PPP2R3A: variants seen among roughly 807,000 people sequenced by gnomAD.
PPP2R3A encodes the protein protein phosphatase 2 regulatory subunit B''alpha, also known as serine/threonine-protein phosphatase 2A regulatory subunit B'' subunit alpha.
In PPP2R3A, 80 loss-of-function variants were observed where a neutral mutation model predicts 106.9. The observed-to-expected ratio is 0.75, with a 90% confidence interval of 0.62 to 0.90. The LOEUF (loss-of-function observed/expected upper bound fraction) is 0.90, where lower values mean the gene tolerates loss of function less well. PPP2R3A is among the 40% of genes least tolerant of loss of function. PPP2R3A has a pLI of 0.00. For missense variants in PPP2R3A, 1,386 were observed against 1,350.4 expected (o/e 1.03, Z -0.41); for synonymous variants, 483 against 468.3 (o/e 1.03, Z -0.41).
chr3:136,078,458 G>A lies in PPP2R3A; in HGVS notation c.2631+5G>A. On this transcript the variant is annotated splice_donor_5th_base_variant and intron_variant, in intron 7 of 13. Coordinates refer to ENST00000264977, the MANE Select transcript of PPP2R3A (RefSeq NM_002718.5). ...AGAAAAAGCAACTTTTTGCAAGTAT[G>A]CCTTTCATTAGAATTCATGTGTAAT... 4 of 1,553,928 alleles carry A rather than the reference G, an allele frequency of 2.6e-6. No individual in the cohort carries two copies. Among genetic ancestry groups the A allele is most frequent in the Non-Finnish European group, 3.5e-6 (4 of 1,129,908 alleles).
intron 13 of PPP2R3A, among the ~76,000 whole-genome samples, chr3:136,117,103 A>G (rs954317604): frequency 6.6e-6 from 1 of 152,206 alleles, no homozygotes; most frequent in Non-Finnish European, 1.5e-5. Flanking sequence ...CCTCACAACT[A>G]CATGGAAACT....
chr3:136,003,260 C>A lies in PPP2R3A; in HGVS notation c.1762C>A (p.Arg588=). 1.2e-6 allele frequency: 2 copies of A among 1,613,604 alleles called. No individual in the cohort carries two copies. Among genetic ancestry groups the A allele is most frequent in the East Asian group, 2.2e-5 (1 of 44,862 alleles). ...TNGHKIEEED[R]ALLLRILESI... ...TGGACACAAAATAGAGGAAGAGGAT[C>A]GAGCCCTCTTACTGCGAATCCTGGA... Residue 588 remains arginine (R), a synonymous_variant, in exon 2 of 14, where the codon CGA becomes AGA. Transcript: ENST00000264977.
At chr3:136,042,288 A>G (rs574372567) in intron 4 of PPP2R3A, among the ~76,000 whole-genome samples, 1 of 152,294 alleles carries the variant, frequency 6.6e-6, no homozygotes, top group African/African-American at 2.4e-5. Context: ...AGAACTGAAC[A>G]ATGAGAACAC....
chr3:136,090,445 C>T (rs1559914555), intron 9 of PPP2R3A, 133 bp from the exon 10 acceptor site: 3 of 627,646 alleles, frequency 4.8e-6, no homozygotes, highest in Non-Finnish European at 5.5e-6. Flanking sequence ...GGAAGGGTTG[C>T]CCTTTATGAG....
intron 13 of PPP2R3A, among the ~76,000 whole-genome samples, chr3:136,140,514 C>T (rs1232195571): frequency 1.3e-5 from 2 of 150,764 alleles, no homozygotes; most frequent in African/African-American, 4.9e-5. Flanking sequence ...TTTGGGAGAC[C>T]GAGGCGGGCG....
intron 2 of PPP2R3A, among the ~76,000 whole-genome samples, chr3:136,017,688 G>C (rs915263105): frequency 2.0e-5 from 3 of 152,084 alleles, no homozygotes; most frequent in Non-Finnish European, 2.9e-5. Context: ...AAAATCCTTT[G>C]GTGTCACTTC....
intron 5 of PPP2R3A, among the ~76,000 whole-genome samples, chr3:136,064,874 T>G (rs1936210451): frequency 6.6e-6 from 1 of 152,148 alleles, no homozygotes; most frequent in African/African-American, 2.4e-5. Context: ...ATAATCAAAA[T>G]ATCACAAAAA....
chr3:136,015,897 G>A (rs1006145279), intron 2 of PPP2R3A, among the ~76,000 whole-genome samples: 6 of 151,636 alleles, frequency 4.0e-5, no homozygotes, highest in Non-Finnish European at 5.9e-5. Context: ...AGTTCCTTGC[G>A]GTATGACCTT....
chr3:136,028,018 A>G (rs1249703271), intron 3 of PPP2R3A, among the ~76,000 whole-genome samples: 1 of 152,196 alleles, frequency 6.6e-6, no homozygotes, highest in Non-Finnish European at 1.5e-5. Context: ...CTGGCATTCC[A>G]TGGCTTCCAC....
At chr3:136,062,461 C>T (rs748092833) in intron 5 of PPP2R3A, among the ~76,000 whole-genome samples, 6 of 152,068 alleles carry the variant, frequency 3.9e-5, no homozygotes, top group South Asian at 2.1e-4. Flanking sequence ...CAGTGGCTCA[C>T]GCCTGTAATC....
chr3:136,097,846 A>G (rs1937251544), intron 10 of PPP2R3A, among the ~76,000 whole-genome samples: 1 of 152,236 alleles, frequency 6.6e-6, no homozygotes, highest in African/African-American at 2.4e-5. Flanking sequence ...CAGTGTAACA[A>G]CCAGATATTA....
chr3:136,057,211 T>C (rs1935899266), intron 5 of PPP2R3A, among the ~76,000 whole-genome samples: 1 of 152,138 alleles, frequency 6.6e-6, no homozygotes. Context: ...GAAATAAGTA[T>C]ATCTGCACTC....
At chr3:135,981,962 G>A (rs72981415) in intron 1 of PPP2R3A, among the ~76,000 whole-genome samples, 1,693 of 151,820 alleles carry the variant, frequency 0.011, 63 homozygotes, top group African/African-American at 0.038. Context: ...TATTACTCTG[G>A]TAGTGCTGCT....
chr3:135,979,366 C>G (rs1009222296), intron 1 of PPP2R3A, among the ~76,000 whole-genome samples: 4 of 149,334 alleles, frequency 2.7e-5, no homozygotes, highest in South Asian at 4.2e-4. Flanking sequence ...GAAGGAGACT[C>G]CATCTCAAAA....
At position 136,002,407 on chromosome 3, in the gene PPP2R3A, G is replaced by T; in HGVS notation, c.909G>T (p.Glu303Asp). Residue 303 changes from glutamate to aspartate, a missense_variant, in exon 2 of 14, where the codon GAG becomes GAT. Transcript: ENST00000264977. ...PFEFMQSGNN[E>D]ALDLTELISN... ...AATTCATGCAGTCTGGGAATAATGA[G>T]GCTCTAGATTTAACAGAACTGATCA... 6.2e-7 allele frequency: 1 copy of T among 1,613,964 alleles called. No individual in the cohort carries two copies. The highest frequency in any genetic ancestry group is 8.5e-7 in the Non-Finnish European group (1 of 1,179,924).
At chr3:136,090,352 A>G (rs1042134779) in intron 9 of PPP2R3A, among the ~76,000 whole-genome samples, 1 of 152,216 alleles carries the variant, frequency 6.6e-6, no homozygotes, top group Admixed American at 6.5e-5. Flanking sequence ...TTGCATTCAT[A>G]TTAAAAGCCA....
At chr3:136,076,683 T>C (rs1218670765) in intron 6 of PPP2R3A, among the ~76,000 whole-genome samples, 1 of 152,192 alleles carries the variant, frequency 6.6e-6, no homozygotes, top group Non-Finnish European at 1.5e-5. Context: ...GCGCGGTGGC[T>C]CACGCCTGTA....
chr3:136,052,476 C>T (rs1158741666), intron 5 of PPP2R3A, among the ~76,000 whole-genome samples: 1 of 152,194 alleles, frequency 6.6e-6, no homozygotes, highest in Admixed American at 6.5e-5. Flanking sequence ...ACAGTATCCT[C>T]CTGTCAGTAG....
intron 1 of PPP2R3A, among the ~76,000 whole-genome samples, chr3:135,967,722 C>T (rs1937127506): frequency 6.6e-6 from 1 of 152,122 alleles, no homozygotes; most frequent in African/African-American, 2.4e-5. Flanking sequence ...GCTTGACACC[C>T]CCCATCCCCC....
Sources: allele counts gnomAD v4.1 joint callset (sites outside exome capture counted in the v4.1 genomes callset), GRCh38; gene constraint gnomAD v4.1.1; transcripts MANE v1.5; gene names NCBI Gene and HGNC (gene_info 2026-07-23, HGNC 2026-07-21).